The following XRCC4 variants were observed in gnomAD, a reference collection of about 807,000 sequenced individuals.
XRCC4 encodes DNA repair protein XRCC4.
A neutral mutation model predicts 39.1 loss-of-function variants in XRCC4; 28 were observed. The observed-to-expected ratio is 0.72, with a 90% confidence interval of 0.53 to 0.98. The LOEUF (loss-of-function observed/expected upper bound fraction) is 0.98, where lower values mean the gene tolerates loss of function less well. Ranked by LOEUF, XRCC4 falls within the 50% of genes least tolerant of loss-of-function variation. The pLI is 0.00. For synonymous variants in XRCC4, 123 were observed against 126.4 expected (o/e 0.97, Z 0.18); for missense variants, 350 against 376.4 (o/e 0.93, Z 0.58).
intron 6 of XRCC4, among the ~76,000 whole-genome samples, chr5:83,242,936 A>T (rs995330525): frequency 6.6e-6 from 1 of 152,236 alleles, no homozygotes; most frequent in Non-Finnish European, 1.5e-5. Context: ...GGCAACTAGG[A>T]TTCAAAACCA....
At chr5:83,360,809 A>G in the XRCC4 span, among the ~76,000 whole-genome samples, 3 of 152,106 alleles carry the variant, frequency 2.0e-5, no homozygotes, top group Non-Finnish European at 2.9e-5. Context: ...ACAGTCAACC[A>G]TGCTATCCTG....
chr5:83,131,045 C>G (rs1158600750), intron 3 of XRCC4, among the ~76,000 whole-genome samples: 2 of 152,040 alleles, frequency 1.3e-5, no homozygotes, highest in Non-Finnish European at 2.9e-5. Flanking sequence ...TTCTCTAGTT[C>G]TTTTAATTGT....
intron 6 of XRCC4, among the ~76,000 whole-genome samples, chr5:83,249,020 A>G (rs866370405): frequency 6.6e-6 from 1 of 152,168 alleles, no homozygotes; most frequent in East Asian, 1.9e-4. Context: ...GCATTAGTCT[A>G]TCTTACCAAA....
chr5:83,255,738 G>A (rs959385347), intron 6 of XRCC4, among the ~76,000 whole-genome samples: 7 of 151,912 alleles, frequency 4.6e-5, no homozygotes, highest in Non-Finnish European at 1.0e-4. Context: ...GCAAGCTCTC[G>A]GTCCTTTTAG....
intron 7 of XRCC4, among the ~76,000 whole-genome samples, chr5:83,338,314 G>A (rs777667708): frequency 3.3e-5 from 5 of 152,080 alleles, no homozygotes; most frequent in Non-Finnish European, 5.9e-5. Context: ...TACATAGTTC[G>A]GATGACAGAT....
At chr5:83,167,521 A>C (rs1204736283) in intron 3 of XRCC4, among the ~76,000 whole-genome samples, 2 of 152,218 alleles carry the variant, frequency 1.3e-5, no homozygotes, top group African/African-American at 4.8e-5. Flanking sequence ...GGCATGAGTT[A>C]TGCTGCACTG....
intron 6 of XRCC4, among the ~76,000 whole-genome samples, chr5:83,231,368 G>T (rs907112025): frequency 6.6e-6 from 1 of 152,164 alleles, no homozygotes; most frequent in African/African-American, 2.4e-5. Flanking sequence ...CTAAAAGGCA[G>T]TTGAGTTTAT....
chr5:83,196,716 A>G (rs1750965420), intron 4 of XRCC4, among the ~76,000 whole-genome samples: 1 of 151,384 alleles, frequency 6.6e-6, no homozygotes, highest in Non-Finnish European at 1.5e-5. Context: ...CTGAAAAATT[A>G]TGTGGAATAT....
At chr5:83,235,626 A>C (rs1222401206) in intron 6 of XRCC4, among the ~76,000 whole-genome samples, 4 of 152,126 alleles carry the variant, frequency 2.6e-5, no homozygotes, top group Non-Finnish European at 5.9e-5. Context: ...CGGGAAAAAA[A>C]CAAAAGTCTT....
At chr5:83,374,237 G>C in the XRCC4 span, among the ~76,000 whole-genome samples, 2 of 152,182 alleles carry the variant, frequency 1.3e-5, no homozygotes, top group Non-Finnish European at 2.9e-5. Flanking sequence ...CGTGTTGTGG[G>C]AGGGACCCAG....
intron 3 of XRCC4, among the ~76,000 whole-genome samples, chr5:83,142,437 A>G (rs1223756142): frequency 6.6e-6 from 1 of 152,252 alleles, no homozygotes; most frequent in Admixed American, 6.5e-5. Context: ...GGGACTAATT[A>G]CAATACTATA....
At chr5:83,135,543 T>C (rs920358452) in intron 3 of XRCC4, among the ~76,000 whole-genome samples, 1 of 152,112 alleles carries the variant, frequency 6.6e-6, no homozygotes, top group Non-Finnish European at 1.5e-5. Context: ...TTCTCGTTTT[T>C]TGGGGATTCC....
At chr5:83,218,010 G>T (rs1015099110) in intron 6 of XRCC4, among the ~76,000 whole-genome samples, 2 of 150,830 alleles carry the variant, frequency 1.3e-5, no homozygotes, top group South Asian at 4.3e-4. Flanking sequence ...GTATGTGGTC[G>T]CTTATTTAAC....
chr5:83,108,258 C>T (rs1031170631), intron 2 of XRCC4, among the ~76,000 whole-genome samples: 1 of 151,928 alleles, frequency 6.6e-6, no homozygotes, highest in Non-Finnish European at 1.5e-5. Context: ...GTTCTTGGCA[C>T]AGAATTCAAA....
At chr5:83,163,602 G>T (rs1395322818) in intron 3 of XRCC4, among the ~76,000 whole-genome samples, 2 of 152,166 alleles carry the variant, frequency 1.3e-5, no homozygotes, top group Non-Finnish European at 2.9e-5. Context: ...GGTATTTATG[G>T]CTTTAATATC....
intron 7 of XRCC4, among the ~76,000 whole-genome samples, chr5:83,300,325 G>A (rs750475168): frequency 2.0e-5 from 3 of 152,006 alleles, no homozygotes; most frequent in Non-Finnish European, 4.4e-5. Flanking sequence ...AAAAGTGTAT[G>A]TATGTTCTCT....
At chr5:83,080,387 G>A (rs894816207) in intron 1 of XRCC4, among the ~76,000 whole-genome samples, 8 of 152,088 alleles carry the variant, frequency 5.3e-5, no homozygotes, top group African/African-American at 1.4e-4. Context: ...TTAGCCAGGC[G>A]TGGTGGCATG....
chr5:83,372,851 T>G, the XRCC4 span, among the ~76,000 whole-genome samples: 5 of 152,176 alleles, frequency 3.3e-5, no homozygotes, highest in Non-Finnish European at 7.4e-5. Flanking sequence ...TGATTTAATG[T>G]TTTAATAGTT....
intron 7 of XRCC4, among the ~76,000 whole-genome samples, chr5:83,327,930 A>G (rs1756316695): frequency 6.6e-6 from 1 of 152,172 alleles, no homozygotes; most frequent in African/African-American, 2.4e-5. Context: ...GCATAGCACA[A>G]AAAGAAATAA....
Sources: allele counts gnomAD v4.1 joint callset (sites outside exome capture counted in the v4.1 genomes callset), GRCh38; gene constraint gnomAD v4.1.1; transcripts MANE v1.5; gene names NCBI Gene and HGNC (gene_info 2026-07-23, HGNC 2026-07-21).